Variants in SAMSN1 observed in about 807,000 individuals in gnomAD.
The protein encoded by SAMSN1 is SAM domain-containing protein SAMSN-1.
In SAMSN1, 31 loss-of-function variants were observed where a neutral mutation model predicts 42.0. The ratio of observed to expected loss-of-function variants is 0.74; its 90% CI spans 0.55 to 1.00. The LOEUF (loss-of-function observed/expected upper bound fraction) is 1.00, where lower values mean the gene tolerates loss of function less well. Among genes scored for constraint, SAMSN1 ranks in the 50% least tolerant of loss-of-function variants. SAMSN1 has a pLI of 0.00. For synonymous variants in SAMSN1, 178 were observed against 151.9 expected, an observed-to-expected ratio of 1.17 and a Z score of -1.26; for missense variants, 464 against 439.4, an observed-to-expected ratio of 1.06 and a Z score of -0.50.
At chr21:14,495,408 A>G (rs1315975238) in intron 7 of SAMSN1, among the ~76,000 whole-genome samples, 3 of 152,242 alleles carry the variant, frequency 2.0e-5, no homozygotes, top group African/African-American at 7.2e-5. Flanking sequence ...AAAGATAAAT[A>G]GCTTTCAGTC....
chr21:14,573,491 G>C (rs1353417775), intron 2 of SAMSN1, among the ~76,000 whole-genome samples: 2 of 152,002 alleles, frequency 1.3e-5, no homozygotes, highest in African/African-American at 4.8e-5. Context: ...GAGGGAGAGA[G>C]AAAGGAGATG....
exon 2 of SAMSN1, chr21:14,643,091 G>C: frequency 1.4e-6 from 1 of 717,286 alleles, no homozygotes; most frequent in East Asian, 2.7e-5. Flanking sequence ...TGGTTAGCTT[G>C]TTGCTCTGGG....
chr21:14,544,348 G>T (rs913515038), intron 1 of SAMSN1, among the ~76,000 whole-genome samples: 1 of 152,116 alleles, frequency 6.6e-6, no homozygotes, highest in African/African-American at 2.4e-5. Flanking sequence ...CATGCACCTG[G>T]ACAGATACTG....
chr21:14,509,983 C>G (rs1568775500), intron 5 of SAMSN1, among the ~76,000 whole-genome samples: 4 of 151,242 alleles, frequency 2.6e-5, no homozygotes. Flanking sequence ...ACTAAAAATA[C>G]AAAAAATTAG....
chr21:14,649,150 G>T (rs868564382), intron 1 of SAMSN1, among the ~76,000 whole-genome samples: 1 of 151,650 alleles, frequency 6.6e-6, no homozygotes, highest in Admixed American at 6.6e-5. Context: ...AATCATCATT[G>T]TCAGTAAAAA....
intron 2 of SAMSN1, among the ~76,000 whole-genome samples, chr21:14,627,865 A>T (rs1282581511): frequency 6.6e-6 from 1 of 152,196 alleles, no homozygotes; most frequent in African/African-American, 2.4e-5. Context: ...TTTGGGAGTT[A>T]ACTACGAGGA....
At position 14,628,253 on chromosome 21, in the gene SAMSN1, T is replaced by C. The variant is rs577463587; in HGVS notation, c.157-12237A>G. ...TAGGATGATTAACAATAATATATTA[T>C]AGTTTCAAATAGCTAAAATAAGGAT... On this transcript the variant is annotated intron_variant, in intron 2 of 15. Transcript: ENST00000647101. 1.8e-4 allele frequency among the ~76,000 whole-genome samples: 27 copies of C among 152,194 alleles called. 1 individual carries two copies. The South Asian group carries it at 4.6e-3, about 26-fold the overall frequency.
Position 14,624,012 on chromosome 21 carries a change from G to T in SAMSN1, c.157-7996C>A, listed in dbSNP as rs530811994. On this transcript the variant is annotated intron_variant, in intron 2 of 15. Transcript: ENST00000647101. The stretch of plus-strand genomic sequence containing the variant: ...CAACTACATGGAAACTGAACAACCT[G>T]CTCTTGAATGACTACTGGGTACACA... Among the ~76,000 whole-genome samples, 125 of 152,306 alleles carry T rather than the reference G, an allele frequency of 8.2e-4. 1 individual carries two copies. In the South Asian group the frequency reaches 0.011, roughly 13 times the overall value.
At chr21:14,507,434 C>A (rs1012444333) in intron 5 of SAMSN1, among the ~76,000 whole-genome samples, 6 of 152,150 alleles carry the variant, frequency 3.9e-5, no homozygotes, top group African/African-American at 9.7e-5. Flanking sequence ...AACTCAACCC[C>A]TTTTACAATA....
At chr21:14,538,778 G>A (rs1023269433) in intron 1 of SAMSN1, among the ~76,000 whole-genome samples, 7 of 152,096 alleles carry the variant, frequency 4.6e-5, no homozygotes, top group African/African-American at 1.7e-4. Flanking sequence ...TGCCACTTCA[G>A]TCATTGCTAG....
At chr21:14,534,931 C>A (rs1374808525) in intron 1 of SAMSN1, among the ~76,000 whole-genome samples, 1 of 152,146 alleles carries the variant, frequency 6.6e-6, no homozygotes, top group Non-Finnish European at 1.5e-5. Flanking sequence ...TAATACACTA[C>A]CCTGGGGTAA....
At chr21:14,648,817 G>T (rs1451086089) in intron 1 of SAMSN1, among the ~76,000 whole-genome samples, 28 of 152,158 alleles carry the variant, frequency 1.8e-4, no homozygotes, top group African/African-American at 6.0e-4. Context: ...TTTACACTGT[G>T]GGTGGGACTG....
At chr21:14,626,667 A>G (rs1395055815) in intron 2 of SAMSN1, among the ~76,000 whole-genome samples, 3 of 152,228 alleles carry the variant, frequency 2.0e-5, no homozygotes, top group Admixed American at 6.5e-5. Context: ...GAACACTTTT[A>G]CACTGTTGGT....
At chr21:14,579,208 T>A (rs1038905761) in intron 2 of SAMSN1, among the ~76,000 whole-genome samples, 2 of 152,192 alleles carry the variant, frequency 1.3e-5, no homozygotes, top group African/African-American at 4.8e-5. Flanking sequence ...TCTAACATGC[T>A]CTTGAACCCT....
chr21:14,523,988 T>C (rs149088147), intron 1 of SAMSN1, among the ~76,000 whole-genome samples: 4 of 152,308 alleles, frequency 2.6e-5, no homozygotes, highest in Admixed American at 6.5e-5. Context: ...AGTATATCAA[T>C]CCATGTTAAG....
chr21:14,542,027 G>A (rs1465546479), intron 1 of SAMSN1, among the ~76,000 whole-genome samples: 2 of 151,268 alleles, frequency 1.3e-5, no homozygotes, highest in African/African-American at 2.4e-5. Context: ...AAGAAGGAAC[G>A]AACGGAAAAG....
rs186963427 is a variant in SAMSN1, at chr21:14,619,548, G to A, written c.157-3532C>T. The stretch of plus-strand genomic sequence containing the variant: ...ATGTATTTTTTTTGGAATTGCACAA[G>A]TCATTCATTTCTACATTCACATTTT... On this transcript the variant is annotated intron_variant, in intron 2 of 15. Transcript: ENST00000647101. 142 of 181,866 alleles carry A rather than the reference G, an allele frequency of 7.8e-4. 2 individuals are homozygous for A. Among genetic ancestry groups the A allele is most frequent in the South Asian group, 7.5e-3 (59 of 7,874 alleles). The allele number at this position is 181,866 out of a possible 1,614,324, so 11.3% of individuals were successfully genotyped here.
chr21:14,504,133 C>G (rs944912624), intron 5 of SAMSN1, among the ~76,000 whole-genome samples: 1 of 152,156 alleles, frequency 6.6e-6, no homozygotes, highest in Non-Finnish European at 1.5e-5. Flanking sequence ...TTCCCTCTGA[C>G]AGAAACTACC....
At chr21:14,615,425 G>A (rs1460959400) in intron 3 of SAMSN1, among the ~76,000 whole-genome samples, 1 of 152,184 alleles carries the variant, frequency 6.6e-6, no homozygotes, top group African/African-American at 2.4e-5. Flanking sequence ...AATCCAGGGT[G>A]CAAGGAAGCC....
Sources: allele counts gnomAD v4.1 joint callset (sites outside exome capture counted in the v4.1 genomes callset), GRCh38; gene constraint gnomAD v4.1.1; transcripts MANE v1.5; gene names NCBI Gene and HGNC (gene_info 2026-07-23, HGNC 2026-07-21).